The following DUSP16 variants were observed in gnomAD, a reference collection of about 807,000 sequenced individuals.
DUSP16 encodes the protein dual specificity phosphatase 16, also known as dual specificity protein phosphatase 16.
A neutral mutation model predicts 58.3 loss-of-function variants in DUSP16; 21 were observed. The ratio of observed to expected loss-of-function variants is 0.36; its 90% CI spans 0.26 to 0.52. The LOEUF (loss-of-function observed/expected upper bound fraction) is 0.52, where lower values mean the gene tolerates loss of function less well. Among genes scored for constraint, DUSP16 ranks in the 20% least tolerant of loss-of-function variants. The probability of loss-of-function intolerance (pLI) is 0.94; values close to 1 mark genes in which losing one functional copy is unlikely to be tolerated. For synonymous variants in DUSP16, 320 were observed against 323.8 expected (o/e 0.99, Z 0.12); for missense variants, 726 against 819.0 (o/e 0.89, Z 1.39).
At chr12:12,504,609 T>C (rs1943959163) in intron 3 of DUSP16, among the ~76,000 whole-genome samples, 1 of 151,202 alleles carries the variant, frequency 6.6e-6, no homozygotes, top group Admixed American at 6.6e-5. Context: ...TTTTCAATTC[T>C]GGCTCTAAAA....
At chr12:12,499,246 C>T (rs1943875329) in intron 4 of DUSP16, among the ~76,000 whole-genome samples, 1 of 152,148 alleles carries the variant, frequency 6.6e-6, no homozygotes, top group African/African-American at 2.4e-5. Flanking sequence ...AAACCAGCTC[C>T]AGCTTTGCCC....
chr12:12,520,916 G>C lies in DUSP16; in HGVS notation c.183C>G (p.Asp61Glu), dbSNP rs369034520. The change falls in exon 2 of 7, where the codon GAC becomes GAG. Residue 61 changes from aspartate to glutamate, a missense_variant. Coordinates refer to ENST00000298573, the MANE Select transcript of DUSP16 (RefSeq NM_030640.3). ...SKLMKRRLQQDKVLITELIQH... is the reference protein window; with the variant it reads ...SKLMKRRLQQEKVLITELIQH... ...GGATGAGCTCTGTAATTAACACTTT[G>C]TCCTGTTGCAACCTTCGCTTCATAA... The C allele has an allele frequency of 8.7e-6, 14 of 1,614,172 alleles. No homozygotes were observed. The highest frequency in any genetic ancestry group is 1.2e-5 in the Non-Finnish European group (14 of 1,180,014).
intron 5 of DUSP16, among the ~76,000 whole-genome samples, chr12:12,482,201 C>A (rs977057118): frequency 6.6e-6 from 1 of 152,040 alleles, no homozygotes; most frequent in African/African-American, 2.4e-5. Flanking sequence ...TTCTAACAAT[C>A]CCCCAAAAGA....
chr12:12,560,568 C>T (rs1407541028), intron 1 of DUSP16, among the ~76,000 whole-genome samples: 1 of 152,138 alleles, frequency 6.6e-6, no homozygotes, highest in Non-Finnish European at 1.5e-5. Flanking sequence ...ACCGTGCCTA[C>T]TCACATTTTT....
rs1943544081 is a variant in DUSP16, at chr12:12,480,488, A to G, written c.692-142T>C. ...TGTGTATATCATATTTATCCTCGCA[A>G]TATTCTTTTGAGGAGGCAGGGGAAG... is the stretch of plus-strand genomic sequence containing the variant. On this transcript the variant is annotated intron_variant, in intron 5 of 6. Coordinates refer to ENST00000298573, the MANE Select transcript of DUSP16 (RefSeq NM_030640.3). 3 of 991,378 alleles carry G rather than the reference A, an allele frequency of 3.0e-6. No individual in the cohort carries two copies. In the East Asian group the frequency reaches 8.3e-5, roughly 27 times the overall value. 61.4% of individuals were successfully genotyped at this position (991,378 alleles called of 1,614,324 possible).
chr12:12,548,642 A>AAAAAAAG (rs1944683220), intron 1 of DUSP16, among the ~76,000 whole-genome samples: 1 of 142,932 alleles, frequency 7.0e-6, no homozygotes, highest in Non-Finnish European at 1.5e-5. Flanking sequence ...AAAAAAAAAA[A>AAAAAAAG]AAAAAGAAAA....
rs1943352657 is a variant in DUSP16 at position 12,473,337 on chromosome 12, G to C, written c.*3496C>G. Among the ~76,000 whole-genome samples, 1 of 152,124 alleles carries C rather than the reference G, an allele frequency of 6.6e-6. No homozygotes were observed. The highest frequency in any genetic ancestry group is 1.5e-5 in the Non-Finnish European group (1 of 68,044). On this transcript the variant is annotated 3_prime_UTR_variant, in exon 7 of 7. Coordinates refer to ENST00000298573, the MANE Select transcript of DUSP16 (RefSeq NM_030640.3). Reference sequence around the variant, plus strand: ...CATCCAAACCAGTCCTCCAACAATAGCCTGCTGAGGCTGGTCATGAAGGGG... The same window carrying C: ...CATCCAAACCAGTCCTCCAACAATACCCTGCTGAGGCTGGTCATGAAGGGG...
At chr12:12,526,031 A>T (rs918019171) in intron 1 of DUSP16, among the ~76,000 whole-genome samples, 1 of 152,238 alleles carries the variant, frequency 6.6e-6, no homozygotes, top group African/African-American at 2.4e-5. Flanking sequence ...GAAGACTGGT[A>T]ACCTTAATCA....
At position 12,516,238 on chromosome 12, in the gene DUSP16, C is replaced by A. The variant is rs537849056; in HGVS notation, c.367+3624G>T. 1.5e-4 allele frequency among the ~76,000 whole-genome samples: 23 copies of A among 152,202 alleles called. No individual in the cohort carries two copies. In the South Asian group the frequency reaches 4.4e-3, roughly 29 times the overall value. On this transcript the variant is annotated intron_variant, in intron 3 of 6. Coordinates refer to ENST00000298573, the MANE Select transcript of DUSP16 (RefSeq NM_030640.3). ...CACTGTAACCTCGAACTCCTGGGCT[C>A]AAGCAATCCTCCCCCATCAGCTTCC...
chr12:12,497,762 G>C (rs1411062638), intron 4 of DUSP16, among the ~76,000 whole-genome samples: 2 of 151,938 alleles, frequency 1.3e-5, no homozygotes, highest in Admixed American at 6.6e-5. Context: ...ACGAGGTCAG[G>C]AGATCGAGAC....
intron 3 of DUSP16, among the ~76,000 whole-genome samples, chr12:12,504,617 A>T (rs757345120): frequency 3.3e-5 from 5 of 151,504 alleles, no homozygotes; most frequent in Non-Finnish European, 7.4e-5. Context: ...TCTGGCTCTA[A>T]AACAGTTCCT....
chr12:12,557,413 C>A (rs557621846), intron 1 of DUSP16, among the ~76,000 whole-genome samples: 265 of 149,574 alleles, frequency 1.8e-3, no homozygotes, highest in African/African-American at 6.4e-3. Flanking sequence ...GCCGAGATGG[C>A]GCCACTGCAC....
At chr12:12,479,617 A>G (rs1943523929) in intron 6 of DUSP16, among the ~76,000 whole-genome samples, 1 of 152,218 alleles carries the variant, frequency 6.6e-6, no homozygotes, top group Non-Finnish European at 1.5e-5. Flanking sequence ...ATGAGTCTCT[A>G]TATTTTTGAT....
intron 1 of DUSP16, among the ~76,000 whole-genome samples, chr12:12,542,168 G>A (rs1944569257): frequency 6.6e-6 from 1 of 152,056 alleles, no homozygotes; most frequent in Admixed American, 6.6e-5. Flanking sequence ...CCTCAGGTTG[G>A]GAGTTAGGTA....
intron 1 of DUSP16, among the ~76,000 whole-genome samples, chr12:12,560,614 T>C (rs891539357): frequency 6.6e-6 from 1 of 152,196 alleles, no homozygotes; most frequent in Non-Finnish European, 1.5e-5. Context: ...CATTCTGCTT[T>C]TCATTTTACT....
chr12:12,543,732 G>C (rs1592207310), intron 1 of DUSP16, among the ~76,000 whole-genome samples: 1 of 151,752 alleles, frequency 6.6e-6, no homozygotes, highest in East Asian at 1.9e-4. Context: ...CTTTTGTGAA[G>C]AGAAAAAAAG....
rs797005926 is a variant in DUSP16, at chr12:12,477,279, G to C, written c.1552C>G (p.Leu518Val). ...TGCTGGCTGGTGGAAAGGCCGAAAA[G>C]GAAGCTGGTGTGGTAATTGTCCTCC... ...SVEDNYHTSFLFGLSTSQQHL... is the reference protein window; with the variant it reads ...SVEDNYHTSFVFGLSTSQQHL... The change falls in exon 7 of 7, where the codon CTT (leucine) becomes GTT (valine). Residue 518 changes from leucine (L) to valine (V), a missense_variant. Leu to Val is a conservative substitution (Grantham distance 32). Transcript: ENST00000298573. This position sits in a 1 kb window ranked among gnomAD's most constrained non-coding sequence, Gnocchi z 4.1. 6.2e-7 allele frequency: 1 copy of C among 1,614,264 alleles called. No homozygotes were observed. Among genetic ancestry groups the C allele is most frequent in the African/African-American group, 1.3e-5 (1 of 75,074 alleles).
Position 12,476,829 on chromosome 12 carries a change from C to T in DUSP16, c.*4G>A. 6.3e-7 allele frequency: 1 copy of T among 1,578,948 alleles called. No homozygotes were observed. The highest frequency in any genetic ancestry group is 1.2e-5 in the South Asian group (1 of 86,346). On this transcript the variant is annotated 3_prime_UTR_variant, in exon 7 of 7. Transcript: ENST00000298573. ...GTCTATAGAAGTCACAAGTGTCTTTCTTCTCAGGAGACCTCAATGATTTCC... is the reference window on the plus strand; with the variant it reads ...GTCTATAGAAGTCACAAGTGTCTTTTTTCTCAGGAGACCTCAATGATTTCC...
chr12:12,480,430 C>CT, intron 5 of DUSP16, 84 bp from the exon 6 acceptor site: 2 of 1,514,760 alleles, frequency 1.3e-6, no homozygotes, highest in Middle Eastern at 1.7e-4. Context: ...TACTCAGTGT[C>CT]TTCCACCTGA....
Sources: gnomAD v4.1 joint callset for allele counts (sites outside exome capture counted in the v4.1 genomes callset) on GRCh38, gnomAD v4.1.1 for gene constraint, Gnocchi (gnomAD v3.1) non-coding constraint, MANE v1.5 for transcripts, NCBI Gene and HGNC (gene_info 2026-07-23, HGNC 2026-07-21) for gene names.